The following ADAMTS18 variants were observed in gnomAD, a reference collection of about 807,000 sequenced individuals.
The protein encoded by ADAMTS18 is ADAM metallopeptidase with thrombospondin type 1 motif 18, also known as A disintegrin and metalloproteinase with thrombospondin motifs 18.
A neutral mutation model predicts 165.9 loss-of-function variants in ADAMTS18; 157 were observed. That is an observed-to-expected ratio of 0.95 (90% CI 0.83 to 1.08). ADAMTS18 has a LOEUF of 1.08. Among genes scored for constraint, ADAMTS18 ranks in the 50% least tolerant of loss-of-function variants. The pLI is 0.00. For synonymous variants in ADAMTS18, 782 were observed against 578.2 expected (o/e 1.35, Z -5.06); for missense variants, 2,040 against 1,534.0 (o/e 1.33, Z -5.51).
At chr16:77,396,033 AT>A (rs2144799910) in intron 3 of ADAMTS18, among the ~76,000 whole-genome samples, 2 of 152,304 alleles carry the variant, frequency 1.3e-5, no homozygotes, top group South Asian at 4.1e-4. Context: ...GACCATTAAT[AT>A]TTTGTAGATG....
intron 13 of ADAMTS18, among the ~76,000 whole-genome samples, chr16:77,322,775 A>C (rs186035200): frequency 1.3e-5 from 2 of 152,332 alleles, no homozygotes; most frequent in Admixed American, 1.3e-4. Flanking sequence ...TTCAGGTTTC[A>C]AAGGCCTGAT....
At chr16:77,290,936 A>AG in intron 21 of ADAMTS18, 1 of 377,596 alleles carries the variant, frequency 2.6e-6, no homozygotes, top group Non-Finnish European at 5.0e-6. Flanking sequence ...TCTAAAACAG[A>AG]AAGACTCGAG....
intron 20 of ADAMTS18, among the ~76,000 whole-genome samples, chr16:77,292,100 G>GGTC (rs2055375147): frequency 6.6e-6 from 1 of 152,104 alleles, no homozygotes; most frequent in African/African-American, 2.4e-5. Context: ...GAGCCCAGGA[G>GGTC]TTCAAGACCA....
intron 3 of ADAMTS18, among the ~76,000 whole-genome samples, chr16:77,385,107 C>T (rs1340153994): frequency 2.0e-5 from 3 of 152,024 alleles, no homozygotes; most frequent in Non-Finnish European, 4.4e-5. Context: ...CAGGGTTTCA[C>T]CATGTTGACC....
intron 19 of ADAMTS18, 81 bp from the exon 20 acceptor site, chr16:77,293,339 A>C (rs1016757904): frequency 8.3e-7 from 1 of 1,207,626 alleles, no homozygotes; most frequent in African/African-American, 1.5e-5. Context: ...CACACTAAAT[A>C]TATTCCTGTG....
intron 3 of ADAMTS18, among the ~76,000 whole-genome samples, chr16:77,412,129 T>C (rs2057472676): frequency 6.6e-6 from 1 of 152,028 alleles, no homozygotes; most frequent in South Asian, 2.1e-4. Flanking sequence ...GTCTCATTCA[T>C]CCACTGAAGG....
intron 22 of ADAMTS18, among the ~76,000 whole-genome samples, chr16:77,287,918 T>TTTAAGAATAGGACCCAGCTG (rs2055286609): frequency 6.6e-6 from 1 of 152,016 alleles, no homozygotes; most frequent in African/African-American, 2.4e-5. Context: ...AACAGGACCT[T>TTTAAGAATAGGACCCAGCTG]TTAAGAATAG....
At chr16:77,350,823 T>C (rs1024098067) in intron 10 of ADAMTS18, among the ~76,000 whole-genome samples, 1 of 152,176 alleles carries the variant, frequency 6.6e-6, no homozygotes, top group African/African-American at 2.4e-5. Context: ...GCCGATACAC[T>C]GCATCTGCTG....
intron 8 of ADAMTS18, among the ~76,000 whole-genome samples, chr16:77,356,969 A>C (rs937984529): frequency 2.0e-5 from 3 of 149,062 alleles, no homozygotes; most frequent in African/African-American, 7.4e-5. Flanking sequence ...CAGCACAGAG[A>C]AAAGTCTTTT....
At chr16:77,329,181 C>A (rs536223336) in intron 12 of ADAMTS18, among the ~76,000 whole-genome samples, 1 of 151,996 alleles carries the variant, frequency 6.6e-6, no homozygotes, top group Admixed American at 6.6e-5. Context: ...TCATGGCTCA[C>A]TGCAGCCTCA....
At chr16:77,337,990 G>A (rs145238290) in intron 11 of ADAMTS18, among the ~76,000 whole-genome samples, 7 of 147,000 alleles carry the variant, frequency 4.8e-5, no homozygotes, top group African/African-American at 1.3e-4. Flanking sequence ...TGCAACCTCC[G>A]CCTCCCAGGT....
In ADAMTS18 at chr16:77,292,109, CAGCCTCAGCAACATGGTGA is replaced by C. The variant is rs889412615; in HGVS notation, c.3190-650_3190-632del. 8.2e-3 allele frequency among the ~76,000 whole-genome samples: 1,244 copies of C among 152,124 alleles called. 18 individuals are homozygous for C. Among genetic ancestry groups the C allele is most frequent in the African/African-American group, 0.028 (1,160 of 41,460 alleles). On this transcript the variant is annotated intron_variant, in intron 20 of 22. Transcript: ENST00000282849. ...TCACTTGAGCCCAGGAGTTCAAGACCAGCCTCAGCAACATGGTGAAGCCTCAGCAACATGGTGAAACCAC... is the reference window on the plus strand; with the variant it reads ...TCACTTGAGCCCAGGAGTTCAAGACCAGCCTCAGCAACATGGTGAAACCAC...
At chr16:77,420,142 T>C (rs1020728782) in intron 3 of ADAMTS18, among the ~76,000 whole-genome samples, 4 of 150,714 alleles carry the variant, frequency 2.7e-5, no homozygotes, top group African/African-American at 9.8e-5. Context: ...GACAATTTGA[T>C]AATTTCCCAA....
At chr16:77,376,714 T>A (rs1228625736) in intron 3 of ADAMTS18, among the ~76,000 whole-genome samples, 1 of 152,130 alleles carries the variant, frequency 6.6e-6, no homozygotes, top group Admixed American at 6.6e-5. Flanking sequence ...TCTATTTAAA[T>A]AGTTTAATGT....
At chr16:77,357,389 T>C (rs767845145) in intron 8 of ADAMTS18, among the ~76,000 whole-genome samples, 4 of 152,200 alleles carry the variant, frequency 2.6e-5, no homozygotes, top group African/African-American at 7.2e-5. Flanking sequence ...CTAACGTCAA[T>C]GTATACTCAG....
At chr16:77,376,809 C>CTTTTTTT (rs549942617) in intron 3 of ADAMTS18, among the ~76,000 whole-genome samples, 10 of 103,482 alleles carry the variant, frequency 9.7e-5, no homozygotes, top group South Asian at 3.5e-4. Context: ...CTAAATCATT[C>CTTTTTTT]TTTTTTTTTT....
At chr16:77,375,311 C>T (rs1361171533) in intron 3 of ADAMTS18, among the ~76,000 whole-genome samples, 2 of 152,020 alleles carry the variant, frequency 1.3e-5, no homozygotes, top group African/African-American at 2.4e-5. Context: ...CATGAAAACC[C>T]GTCTTTACCA....
intron 3 of ADAMTS18, among the ~76,000 whole-genome samples, chr16:77,419,948 G>A (rs1378222654): frequency 1.1e-4 from 15 of 137,312 alleles, no homozygotes; most frequent in Admixed American, 2.5e-4. Flanking sequence ...GCAGTAAACC[G>A]CATCACGCCA....
At chr16:77,360,606 TCACTTTG>T (rs1425176164) in intron 7 of ADAMTS18, among the ~76,000 whole-genome samples, 1 of 152,196 alleles carries the variant, frequency 6.6e-6, no homozygotes, top group Non-Finnish European at 1.5e-5. Context: ...TTATCATATG[TCACTTTG>T]CACATTCCAA....
Sources: allele counts gnomAD v4.1 joint callset (sites outside exome capture counted in the v4.1 genomes callset), GRCh38; gene constraint gnomAD v4.1.1; transcripts MANE v1.5; gene names NCBI Gene and HGNC (gene_info 2026-07-23, HGNC 2026-07-21).